The following ZC3H18 variants were observed in gnomAD, a reference collection of about 807,000 sequenced individuals.
ZC3H18 encodes the protein zinc finger CCCH domain-containing protein 18.
In ZC3H18, 8 loss-of-function variants were observed where a neutral mutation model predicts 106.1. That is an observed-to-expected ratio of 0.08 (90% CI 0.04 to 0.14). The LOEUF (loss-of-function observed/expected upper bound fraction) is 0.14. ZC3H18 is among the 10% of genes least tolerant of loss of function. The pLI is 1.00. For missense variants in ZC3H18, 1,318 were observed against 1,278.4 expected, an observed-to-expected ratio of 1.03 and a Z score of -0.47; for synonymous variants, 635 against 522.1, an observed-to-expected ratio of 1.22 and a Z score of -2.95.
At chr16:88,612,093 A>G (rs533093500) in intron 8 of ZC3H18, among the ~76,000 whole-genome samples, 1 of 152,212 alleles carries the variant, frequency 6.6e-6, no homozygotes, top group South Asian at 2.1e-4. Flanking sequence ...CTTGCTGCCA[A>G]CTGCTGGGGG....
chr16:88,620,020 C>T (rs189470190), intron 8 of ZC3H18, among the ~76,000 whole-genome samples: 272 of 152,236 alleles, frequency 1.8e-3, no homozygotes, highest in Middle Eastern at 3.4e-3. Flanking sequence ...TTTGGGCTGA[C>T]GTACAGGAGC....
At chr16:88,577,023 G>C (rs1481429955) in intron 1 of ZC3H18, 87 bp from the exon 2 acceptor site, 6 of 1,386,714 alleles carry the variant, frequency 4.3e-6, no homozygotes, top group Non-Finnish European at 4.9e-6. Context: ...CAGGATGGAA[G>C]TCCTGCTGCT....
intron 7 of ZC3H18, among the ~76,000 whole-genome samples, chr16:88,610,013 G>A (rs995835813): frequency 5.3e-5 from 8 of 152,086 alleles, no homozygotes; most frequent in Middle Eastern, 3.4e-3. Flanking sequence ...CAGTGATCCC[G>A]TTTAGGATGT....
Position 88,628,772 on chromosome 16 carries a change from A to C in ZC3H18, c.2484A>C (p.Gly828=), listed in dbSNP as rs758057495. 6 of 1,613,960 alleles carry C rather than the reference A, an allele frequency of 3.7e-6. No homozygotes were observed. In the South Asian group the frequency reaches 6.6e-5, roughly 18 times the overall value. ...TCTTGTCCCAGGCGGCTGATAAAGG[A>C]AGCAGGAAGCGCTATGAACCATCAG... The part of the protein sequence containing the change: ...LTLLNKAADK[G]SRKRYEPSDK... Residue 828 remains glycine, a synonymous_variant, in exon 16 of 18, where the codon GGA becomes GGC. Transcript: ENST00000301011.
At chr16:88,617,673 C>T (rs1043621991) in intron 8 of ZC3H18, among the ~76,000 whole-genome samples, 16 of 152,204 alleles carry the variant, frequency 1.1e-4, no homozygotes, top group African/African-American at 3.9e-4. Context: ...TGGCAGGCTC[C>T]TGCGGTGGGG....
intron 2 of ZC3H18, among the ~76,000 whole-genome samples, chr16:88,578,535 GT>G (rs11371124): frequency 4.7e-5 from 7 of 149,068 alleles, no homozygotes; most frequent in African/African-American, 1.2e-4. Context: ...GGTTTTTGTT[GT>G]TTTTTTTTTG....
At position 88,627,834 on chromosome 16, in the gene ZC3H18, G is replaced by A. The variant is rs747084901; in HGVS notation, c.2269+52G>A. On this transcript the variant is annotated intron_variant, in intron 14 of 17. Transcript: ENST00000301011. This position sits in a 1 kb window ranked among gnomAD's most constrained non-coding sequence, Gnocchi z 4.5. ...GGAGCAGCTCCCGGGGGAGGAGGGC[G>A]GCATCAGCACAGACTTTGCCTGGCT... The A allele has an allele frequency of 1.9e-5, 30 of 1,610,212 alleles. No homozygotes were observed. In the East Asian group the frequency reaches 2.9e-4, roughly 16 times the overall value.
chr16:88,627,666 C>T lies in ZC3H18; in HGVS notation c.2153C>T (p.Ser718Leu), dbSNP rs1337817117. ...SSVSSVSSAT[S>L]SSSSAHSVDS... is the part of the protein sequence containing the mutation. ...GTCTCCTCAGTGTCCAGTGCTACGT[C>T]GAGCAGCAGCTCTGCACACAGCGTG... Residue 718 changes from serine to leucine, a missense_variant, in exon 14 of 18, where the codon TCG (serine) becomes TTG (leucine). Coordinates refer to ENST00000301011, the MANE Select transcript of ZC3H18 (RefSeq NM_144604.4). This position sits in a 1 kb window ranked among gnomAD's most constrained non-coding sequence, Gnocchi z 4.5. 2 of 1,612,814 alleles carry T rather than the reference C, an allele frequency of 1.2e-6. No individual in the cohort carries two copies. The highest frequency in any genetic ancestry group is 1.7e-6 in the Non-Finnish European group (2 of 1,179,030).
chr16:88,597,395 C>T (rs939842399), intron 3 of ZC3H18, among the ~76,000 whole-genome samples: 2 of 152,142 alleles, frequency 1.3e-5, no homozygotes, highest in African/African-American at 4.8e-5. Flanking sequence ...AATCTAACTG[C>T]ATGTTAACCC....
At chr16:88,614,209 C>T (rs185468965) in intron 8 of ZC3H18, among the ~76,000 whole-genome samples, 2 of 152,370 alleles carry the variant, frequency 1.3e-5, no homozygotes, top group African/African-American at 4.8e-5. Context: ...CAGGCATGGG[C>T]AGCTTCGTGG....
Position 88,577,395 on chromosome 16 carries a change from G to A in ZC3H18, c.272G>A (p.Gly91Asp), listed in dbSNP as rs765248443. The part of the protein sequence containing the change: ...QDSEVNELSR[G>D]PTSSPCEEEG... ...TCAGAGGTGAATGAGCTGAGCCGGG[G>A]CCCGACCAGCTCCCCCTGCGAGGAG... is the stretch of plus-strand genomic sequence containing the variant. Residue 91 changes from glycine (G) to aspartate (D), a missense_variant, in exon 2 of 18, where the codon GGC becomes GAC. By Grantham distance (94) the Gly-to-Asp change is moderately conservative. This residue lies in a region of ZC3H18 where 346 missense variants were observed against 269.0 expected (regional missense o/e 1.29). Coordinates refer to ENST00000301011, the MANE Select transcript of ZC3H18 (RefSeq NM_144604.4). 3 of 1,598,222 alleles carry A rather than the reference G, an allele frequency of 1.9e-6. No homozygotes were observed. Among genetic ancestry groups the A allele is most frequent in the Middle Eastern group, 1.7e-4 (1 of 5,992 alleles).
rs766532424 is a variant in ZC3H18 at position 88,622,402 on chromosome 16, G to T, written c.1667+14G>T. ...TAATTCCTCCAGGTAAGGAGGGCTC[G>T]TGGGACGGCTGGGGTGTCAGCACCT... is the stretch of plus-strand genomic sequence containing the variant. On this transcript the variant is annotated intron_variant, in intron 9 of 17. Transcript: ENST00000301011. 6 of 1,591,926 alleles carry T rather than the reference G, an allele frequency of 3.8e-6. No individual in the cohort carries two copies. Among genetic ancestry groups the T allele is most frequent in the African/African-American group, 1.3e-5 (1 of 74,372 alleles).
Position 88,627,948 on chromosome 16 carries a change from A to G in ZC3H18, c.2298A>G (p.Lys766=). 1 of 1,614,128 alleles carries G rather than the reference A, an allele frequency of 6.2e-7. No homozygotes were observed. The highest frequency in any genetic ancestry group is 8.5e-7 in the Non-Finnish European group (1 of 1,180,034). The change falls in exon 15 of 18, where the codon AAA becomes AAG. Residue 766 remains lysine (K), a synonymous_variant. Transcript: ENST00000301011. This position sits in a 1 kb window ranked among gnomAD's most constrained non-coding sequence, Gnocchi z 4.5. ...KGKSKKEDGV[K]EEKRKRDSST... Reference sequence around the variant, plus strand: ...AATCTAAGAAAGAAGACGGTGTTAAAGAGGAAAAGCGGAAAAGGGATTCGT... The same window carrying G: ...AATCTAAGAAAGAAGACGGTGTTAAGGAGGAAAAGCGGAAAAGGGATTCGT...
intron 13 of ZC3H18, 38 bp downstream of exon 13, chr16:88,625,305 CCGT>C: frequency 6.4e-7 from 1 of 1,559,066 alleles, no homozygotes; most frequent in South Asian, 1.2e-5. Flanking sequence ...TTCTCCCTCC[CCGT>C]CGGGGCCAGG....
intron 1 of ZC3H18, among the ~76,000 whole-genome samples, chr16:88,571,274 C>T (rs574522825): frequency 6.6e-6 from 1 of 152,202 alleles, no homozygotes; most frequent in Non-Finnish European, 1.5e-5. Flanking sequence ...TTTGTTCGAA[C>T]AACGCTAACT....
chr16:88,619,747 C>G (rs1304919740), intron 8 of ZC3H18, among the ~76,000 whole-genome samples: 1 of 152,180 alleles, frequency 6.6e-6, no homozygotes, highest in Non-Finnish European at 1.5e-5. Context: ...GCTGTTACAG[C>G]TTCACCCGAA....
intron 3 of ZC3H18, 80 bp from the exon 4 acceptor site, chr16:88,598,098 T>TCCCCCCC: frequency 7.8e-5 from 8 of 102,146 alleles, no homozygotes; most frequent in East Asian, 5.8e-4. Flanking sequence ...CTCTGCCCCC[T>TCCCCCCC]CCCACCCCCC....
chr16:88,598,559 G>T, intron 4 of ZC3H18, 61 bp from the exon 5 acceptor site: 1 of 1,526,994 alleles, frequency 6.5e-7, no homozygotes, highest in Non-Finnish European at 8.9e-7. Flanking sequence ...TTTACTGTCT[G>T]GTTTCTCTGT....
intron 3 of ZC3H18, among the ~76,000 whole-genome samples, chr16:88,592,094 C>G (rs927149344): frequency 6.6e-6 from 1 of 152,370 alleles, no homozygotes; most frequent in African/African-American, 2.4e-5. Context: ...TGAGGAGCCG[C>G]CAAGCTGTCT....
Sources: gnomAD v4.1 joint callset for allele counts (sites outside exome capture counted in the v4.1 genomes callset) on GRCh38, gnomAD v4.1.1 for gene constraint, gnomAD v4.1.1 regional missense constraint, Gnocchi (gnomAD v3.1) non-coding constraint, MANE v1.5 for transcripts, NCBI Gene and HGNC (gene_info 2026-07-23, HGNC 2026-07-21) for gene names.